PTPRQ: variants seen among roughly 807,000 people sequenced by gnomAD.
The protein encoded by PTPRQ is protein tyrosine phosphatase receptor type Q, also known as phosphatidylinositol phosphatase PTPRQ.
PTPRQ carries 199 observed loss-of-function variants against 246.0 expected under a neutral mutation model. The observed-to-expected ratio is 0.81, with a 90% CI of 0.72 to 0.91. PTPRQ has a LOEUF of 0.91. Ranked by LOEUF, PTPRQ falls within the 40% of genes least tolerant of loss-of-function variation. PTPRQ has a pLI of 0.00. For synonymous variants in PTPRQ, 869 were observed against 853.2 expected (o/e 1.02, Z -0.32); for missense variants, 2,624 against 2,528.4 (o/e 1.04, Z -0.81).
chr12:80,448,290 TGAGTTGTCGTTA>T (rs956791280), intron 3 of PTPRQ, among the ~76,000 whole-genome samples: 176 of 152,266 alleles, frequency 1.2e-3, no homozygotes, highest in Non-Finnish European at 1.7e-3. Flanking sequence ...TTATTATTTT[TGAGTTGTCGTTA>T]GAGTTTTCTA....
In PTPRQ at chr12:80,506,791, C is replaced by T. The variant is rs139828341; in HGVS notation, c.2557+121C>T. 893 of 691,622 alleles carry T rather than the reference C, an allele frequency of 1.3e-3. 5 individuals are homozygous for T. The African/African-American group carries it at 0.015, about 12-fold the overall frequency. 42.8% of individuals were successfully genotyped at this position (691,622 alleles called of 1,614,324 possible). A position where few individuals can be genotyped will look rare whatever the true frequency, so the allele number is the denominator to read the frequency against. Reference sequence around the variant, plus strand: ...GGGTATCAGTTGTGTACCATACCAGCGTTATACAGAGATTTCATTGTCATG... The same window carrying T: ...GGGTATCAGTTGTGTACCATACCAGTGTTATACAGAGATTTCATTGTCATG... On this transcript the variant is annotated intron_variant, in intron 16 of 44. Transcript: ENST00000644991.
intron 28 of PTPRQ, among the ~76,000 whole-genome samples, chr12:80,611,410 A>G (rs1898546660): frequency 6.7e-6 from 1 of 150,314 alleles, no homozygotes; most frequent in South Asian, 2.1e-4. Flanking sequence ...TTTTCGTTAC[A>G]TTATATTCTC....
At chr12:80,602,097 G>A (rs1592705526) in intron 26 of PTPRQ, among the ~76,000 whole-genome samples, 1 of 151,584 alleles carries the variant, frequency 6.6e-6, no homozygotes, top group Non-Finnish European at 1.5e-5. Flanking sequence ...CTTTGAGTAC[G>A]GGGTGTCAAT....
Position 80,616,003 on chromosome 12 carries a change from A to G in PTPRQ, c.5164-197A>G, listed in dbSNP as rs932102295. On this transcript the variant is annotated intron_variant, in intron 29 of 44. Transcript: ENST00000644991. ...CCTACATATATTATATTCAAGTGCA[A>G]GAAAATACAATTAATAGACTATATG... Among the ~76,000 whole-genome samples the G allele has an allele frequency of 2.7e-5, 4 of 150,782 alleles. No individual in the cohort carries two copies. The East Asian group carries it at 5.9e-4, about 22-fold the overall frequency.
intron 38 of PTPRQ, among the ~76,000 whole-genome samples, chr12:80,657,588 G>T (rs971843692): frequency 1.4e-4 from 21 of 151,240 alleles, no homozygotes; most frequent in Non-Finnish European, 3.0e-5. Context: ...ATAATAAAAG[G>T]TTAAATAACT....
At chr12:80,631,932 A>G (rs952170726) in intron 33 of PTPRQ, among the ~76,000 whole-genome samples, 1 of 152,200 alleles carries the variant, frequency 6.6e-6, no homozygotes, top group Non-Finnish European at 1.5e-5. Flanking sequence ...AGTAGTCATC[A>G]TCATATAGAT....
In PTPRQ at chr12:80,610,641, C is replaced by T; in HGVS notation, c.4918+16C>T. On this transcript the variant is annotated intron_variant, in intron 28 of 44. Coordinates refer to ENST00000644991, the MANE Select transcript of PTPRQ (RefSeq NM_001145026.2). ...TTAGAATCAGGTAAGGAGAATTTCT[C>T]AACCTTGCTAAAAATTGACTGAGAT... The T allele has an allele frequency of 1.9e-6, 3 of 1,538,724 alleles. No homozygotes were observed. The highest frequency in any genetic ancestry group is 3.4e-4 in the Middle Eastern group (2 of 5,914).
intron 25 of PTPRQ, among the ~76,000 whole-genome samples, chr12:80,555,943 A>G (rs1896632490): frequency 6.6e-6 from 1 of 152,156 alleles, no homozygotes; most frequent in South Asian, 2.1e-4. Context: ...CTGCACATCC[A>G]AATAACTCCA....
At chr12:80,463,754 A>G (rs1893292851) in intron 6 of PTPRQ, among the ~76,000 whole-genome samples, 1 of 151,400 alleles carries the variant, frequency 6.6e-6, no homozygotes, top group South Asian at 2.1e-4. Context: ...AGAATTTCAT[A>G]TCCAGCCAAA....
intron 26 of PTPRQ, among the ~76,000 whole-genome samples, chr12:80,595,697 T>C (rs987626315): frequency 1.3e-4 from 20 of 150,994 alleles, no homozygotes; most frequent in African/African-American, 4.6e-4. Context: ...GTATATCTCC[T>C]AAAGCTATCC....
At chr12:80,561,943 A>G (rs531490356) in intron 25 of PTPRQ, among the ~76,000 whole-genome samples, 4 of 152,014 alleles carry the variant, frequency 2.6e-5, no homozygotes, top group Non-Finnish European at 4.4e-5. Context: ...TGAGGAAATT[A>G]CCCTTTACTT....
At chr12:80,530,975 G>A (rs1347249619) in intron 17 of PTPRQ, among the ~76,000 whole-genome samples, 2 of 151,964 alleles carry the variant, frequency 1.3e-5, no homozygotes, top group East Asian at 3.9e-4. Flanking sequence ...AGGTTACCTT[G>A]AGCCCAGGAT....
intron 35 of PTPRQ, among the ~76,000 whole-genome samples, chr12:80,644,429 A>G (rs1183463065): frequency 6.6e-6 from 1 of 152,158 alleles, no homozygotes; most frequent in Admixed American, 6.5e-5. Flanking sequence ...ACTATCATAA[A>G]TGAATATCCT....
At chr12:80,469,659 T>A (rs1262439221) in intron 7 of PTPRQ, among the ~76,000 whole-genome samples, 2 of 152,210 alleles carry the variant, frequency 1.3e-5, no homozygotes, top group Non-Finnish European at 2.9e-5. Flanking sequence ...CCATCATGAG[T>A]AACCTTTATC....
At chr12:80,568,548 C>G (rs1165137210) in intron 25 of PTPRQ, among the ~76,000 whole-genome samples, 1 of 152,190 alleles carries the variant, frequency 6.6e-6, no homozygotes, top group Non-Finnish European at 1.5e-5. Flanking sequence ...GTTGTCTTGG[C>G]TGCATATGTA....
intron 27 of PTPRQ, among the ~76,000 whole-genome samples, chr12:80,609,742 AT>A (rs1898477637): frequency 6.6e-6 from 1 of 150,614 alleles, no homozygotes; most frequent in Non-Finnish European, 1.5e-5. Flanking sequence ...CATCATCAGA[AT>A]TTTTAAATGA....
chr12:80,480,175 C>G (rs1388302704), intron 8 of PTPRQ, among the ~76,000 whole-genome samples: 1 of 152,148 alleles, frequency 6.6e-6, no homozygotes, highest in African/African-American at 2.4e-5. Context: ...CAAACTATCT[C>G]TGAGACCACA....
chr12:80,446,709 C>T (rs1345426702), intron 3 of PTPRQ, among the ~76,000 whole-genome samples: 3 of 151,632 alleles, frequency 2.0e-5, no homozygotes, highest in East Asian at 1.9e-4. Context: ...AATTATTTCA[C>T]TTAGGATATG....
chr12:80,475,709 A>C (rs1893789223), intron 8 of PTPRQ, among the ~76,000 whole-genome samples: 1 of 152,100 alleles, frequency 6.6e-6, no homozygotes, highest in Non-Finnish European at 1.5e-5. Flanking sequence ...TTTGAGGTAC[A>C]TTTTAAGGTA....
Sources: gnomAD v4.1 joint callset for allele counts (sites outside exome capture counted in the v4.1 genomes callset) on GRCh38, gnomAD v4.1.1 for gene constraint, MANE v1.5 for transcripts, NCBI Gene and HGNC (gene_info 2026-07-23, HGNC 2026-07-21) for gene names.